The following LIMS1 variants were observed in gnomAD, a reference collection of about 807,000 sequenced individuals.
LIMS1 encodes the protein LIM zinc finger domain containing 1.
LIMS1 carries 18 observed loss-of-function variants against 44.1 expected under a neutral mutation model. The observed-to-expected ratio is 0.41, with a 90% CI of 0.28 to 0.61. The LOEUF (loss-of-function observed/expected upper bound fraction) is 0.61, where lower values mean the gene tolerates loss of function less well. LIMS1 is among the 20% of genes least tolerant of loss of function. The probability of loss-of-function intolerance (pLI) is 0.32; values close to 1 mark genes in which losing one functional copy is unlikely to be tolerated. For synonymous variants in LIMS1, 93 were observed against 149.1 expected, an observed-to-expected ratio of 0.62 and a Z score of 2.74; for missense variants, 201 against 422.0, an observed-to-expected ratio of 0.48 and a Z score of 4.59.
chr2:108,595,329 G>A (rs981429332), intron 1 of LIMS1, among the ~76,000 whole-genome samples: 2 of 152,072 alleles, frequency 1.3e-5, no homozygotes, highest in African/African-American at 2.4e-5. Flanking sequence ...TTCAGATGAG[G>A]AGGTGTAATG....
chr2:108,668,437 A>C (rs1233596290), intron 2 of LIMS1, among the ~76,000 whole-genome samples: 3 of 152,148 alleles, frequency 2.0e-5, no homozygotes, highest in Non-Finnish European at 4.4e-5. Context: ...CAACCTCTTT[A>C]GATTCCACAT....
intron 2 of LIMS1, among the ~76,000 whole-genome samples, chr2:108,665,536 AT>A (rs1036302146): frequency 2.0e-5 from 3 of 151,466 alleles, no homozygotes; most frequent in African/African-American, 7.3e-5. Context: ...TTATTTATTT[AT>A]TTTTTTTGAG....
chr2:108,585,592 A>C (rs1292275870), intron 1 of LIMS1, among the ~76,000 whole-genome samples: 4 of 152,144 alleles, frequency 2.6e-5, no homozygotes, highest in Non-Finnish European at 4.4e-5. Context: ...TGTTGAAGTC[A>C]TCAGGGAGAA....
chr2:108,558,966 C>T (rs774627555), intron 1 of LIMS1, among the ~76,000 whole-genome samples: 6 of 152,090 alleles, frequency 3.9e-5, no homozygotes, highest in Non-Finnish European at 7.4e-5. Context: ...CCACTGTGCC[C>T]GGCCAAGAAC....
chr2:108,548,595 C>CTA (rs767010133), intron 1 of LIMS1, among the ~76,000 whole-genome samples: 1 of 152,166 alleles, frequency 6.6e-6, no homozygotes, highest in Non-Finnish European at 1.5e-5. Flanking sequence ...ACAGAACTGT[C>CTA]TATTGAGTTT....
At chr2:108,602,956 C>T (rs1323321218) in intron 1 of LIMS1, among the ~76,000 whole-genome samples, 4 of 151,858 alleles carry the variant, frequency 2.6e-5, no homozygotes, top group African/African-American at 9.7e-5. Flanking sequence ...TTTGCAGGGA[C>T]TTATTTGTAT....
At chr2:108,646,555 A>T (rs1690078064) in intron 1 of LIMS1, among the ~76,000 whole-genome samples, 1 of 152,246 alleles carries the variant, frequency 6.6e-6, no homozygotes, top group Non-Finnish European at 1.5e-5. Flanking sequence ...ACACCCTAAC[A>T]TCACAATTAA....
chr2:108,544,499 T>TA (rs1386412265), intron 1 of LIMS1, among the ~76,000 whole-genome samples: 1 of 152,192 alleles, frequency 6.6e-6, no homozygotes, highest in Admixed American at 6.5e-5. Flanking sequence ...ATTATTATTT[T>TA]ATTTATTTAT....
chr2:108,589,110 T>C (rs902042418), intron 1 of LIMS1, among the ~76,000 whole-genome samples: 4 of 152,120 alleles, frequency 2.6e-5, no homozygotes, highest in Admixed American at 1.3e-4. Context: ...ACTTTTGTCC[T>C]GTCATGGTAA....
chr2:108,564,041 CAAAAAAAA>C (rs201454363), intron 1 of LIMS1, among the ~76,000 whole-genome samples: 2 of 92,386 alleles, frequency 2.2e-5, no homozygotes, highest in East Asian at 3.0e-4. Context: ...GACCCTGTCT[CAAAAAAAA>C]AAAAAAAAAA....
intron 1 of LIMS1, among the ~76,000 whole-genome samples, chr2:108,608,415 C>T (rs1687397921): frequency 6.6e-6 from 1 of 151,732 alleles, no homozygotes; most frequent in Non-Finnish European, 1.5e-5. Context: ...AAGCTATTCT[C>T]CTGCCTCAGC....
chr2:108,684,954 A>C (rs1452796831), exon 10 of LIMS1: 1 of 152,148 alleles, frequency 6.6e-6, no homozygotes, highest in Non-Finnish European at 1.5e-5. Context: ...TACATACTAC[A>C]TACTTAAATC....
chr2:108,641,346 A>G (rs1689654050), intron 1 of LIMS1, among the ~76,000 whole-genome samples: 1 of 152,236 alleles, frequency 6.6e-6, no homozygotes, highest in Non-Finnish European at 1.5e-5. Flanking sequence ...TCTTTAGATT[A>G]AGTTTCATTT....
At chr2:108,664,115 A>ACG (rs1691584926) in intron 2 of LIMS1, among the ~76,000 whole-genome samples, 1 of 152,046 alleles carries the variant, frequency 6.6e-6, no homozygotes, top group Non-Finnish European at 1.5e-5. Flanking sequence ...AGGTTTCTTC[A>ACG]CTCATTTACT....
At chr2:108,675,420 G>C (rs1012729104) in intron 5 of LIMS1, among the ~76,000 whole-genome samples, 3 of 142,846 alleles carry the variant, frequency 2.1e-5, no homozygotes, top group Admixed American at 7.5e-5. Flanking sequence ...TGTGAGGGCA[G>C]AGCCTTCATG....
At chr2:108,604,034 C>G (rs989869392) in intron 1 of LIMS1, among the ~76,000 whole-genome samples, 3 of 151,970 alleles carry the variant, frequency 2.0e-5, no homozygotes, top group Non-Finnish European at 4.4e-5. Context: ...GTTATGTTTC[C>G]ATTATCATGT....
At chr2:108,610,083 C>T (rs955131873) in intron 1 of LIMS1, among the ~76,000 whole-genome samples, 1 of 151,814 alleles carries the variant, frequency 6.6e-6, no homozygotes, top group East Asian at 1.9e-4. Context: ...GTGGAGCTTG[C>T]AGTGAGCCCA....
chr2:108,641,334 A>C (rs1480885981), intron 1 of LIMS1, among the ~76,000 whole-genome samples: 1 of 152,170 alleles, frequency 6.6e-6, no homozygotes, highest in African/African-American at 2.4e-5. Context: ...AGAGTCTCTA[A>C]CTCTTTAGAT....
chr2:108,634,961 C>G (rs1482607276), intron 1 of LIMS1, among the ~76,000 whole-genome samples: 1 of 152,146 alleles, frequency 6.6e-6, no homozygotes, highest in African/African-American at 2.4e-5. Context: ...CCCTGTTTGC[C>G]TCTTTGCTGG....
Sources: allele counts gnomAD v4.1 joint callset (sites outside exome capture counted in the v4.1 genomes callset), GRCh38; gene constraint gnomAD v4.1.1; transcripts MANE v1.5; gene names NCBI Gene and HGNC (gene_info 2026-07-23, HGNC 2026-07-21).